LILRB3: variants seen among roughly 807,000 people sequenced by gnomAD.
LILRB3 encodes the protein leukocyte immunoglobulin like receptor B3, also known as leukocyte immunoglobulin-like receptor subfamily B member 3.
LILRB3 carries 32 observed loss-of-function variants against 68.2 expected under a neutral mutation model. That is an observed-to-expected ratio of 0.47 (90% CI 0.35 to 0.63). LILRB3 has a LOEUF of 0.63. LILRB3 is among the 30% of genes least tolerant of loss of function. The pLI, the probability that LILRB3 is intolerant of heterozygous loss-of-function variation, is 0.00. For synonymous variants in LILRB3, 185 were observed against 323.1 expected (o/e 0.57, Z 4.58); for missense variants, 502 against 791.3 (o/e 0.63, Z 4.39).
exon 13 of LILRB3, chr19:54,216,696 T>G (rs1406998103): frequency 4.9e-5 from 52 of 1,067,430 alleles, no homozygotes; most frequent in Non-Finnish European, 5.9e-5. Context: ...ACTGTTTTTT[T>G]TTTTAGAGAC....
Position 54,221,134 on chromosome 19 carries a change from G to C in LILRB3, c.904C>G (p.Leu302Val), listed in dbSNP as rs776588938. The C allele has an allele frequency of 3.3e-4, 378 of 1,151,320 alleles. 16 individuals carry two copies. The highest frequency in any genetic ancestry group is 7.9e-4 in the African/African-American group (40 of 50,648). 71.3% of individuals were successfully genotyped at this position (1,151,320 alleles called of 1,614,324 possible). The change falls in exon 5 of 13, where the codon CTC becomes GTC. Residue 302 changes from leucine to valine, a missense_variant. This residue lies in a region of LILRB3 where 77 missense variants were observed against 152.8 expected (regional missense o/e 0.50). Transcript: ENST00000445347. ...CTGGGGGCCGACCACTCGGAGGAGA[G>C]GTTGTGTGCACCATAGCACCTGTAC...
chr19:54,216,583 T>C, exon 13 of LILRB3: 1 of 1,000,648 alleles, frequency 1.0e-6, no homozygotes. Flanking sequence ...GTGCTGAGAT[T>C]ATAGGCGTGA....
exon 13 of LILRB3, chr19:54,216,596 C>G (rs1407020346): frequency 9.9e-7 from 1 of 1,005,442 alleles, no homozygotes; most frequent in African/African-American, 1.7e-5. Flanking sequence ...AGGCGTGAGC[C>G]ACCGCGCCCG....
rs779761771 is a variant in LILRB3, at chr19:54,218,696, T to C, written c.1503-14A>G. The stretch of plus-strand genomic sequence containing the variant: ...GCTGGGCTGGACCTGGAGGAGGACA[T>C]GGGAGTGTGAGGGGCAGTGTATGGG... On this transcript the variant is annotated splice_polypyrimidine_tract_variant and intron_variant, in intron 9 of 12. Coordinates refer to ENST00000445347, the Ensembl canonical transcript of LILRB3. 2.5e-6 allele frequency: 4 copies of C among 1,613,990 alleles called. No homozygotes were observed. The highest frequency in any genetic ancestry group is 2.7e-5 in the African/African-American group (2 of 74,914).
At chr19:54,222,655 C>A in intron 2 of LILRB3, 92 bp downstream of exon 2, 1 of 1,612,238 alleles carries the variant, frequency 6.2e-7, no homozygotes, top group Admixed American at 1.7e-5. Context: ...CCATCAGTCA[C>A]CCAGAACTAC....
intron 8 of LILRB3, 83 bp downstream of exon 8, chr19:54,219,046 A>G: frequency 6.5e-7 from 1 of 1,533,520 alleles, no homozygotes; most frequent in Non-Finnish European, 8.8e-7. Context: ...CTAAACTGAC[A>G]CCCCTGTGTG....
rs1020317625 is a variant in LILRB3, at chr19:54,218,264, C to T, written c.1593+97G>A. The T allele has an allele frequency of 3.6e-5, 55 of 1,513,380 alleles. 1 individual carries two copies. Among genetic ancestry groups the T allele is most frequent in the East Asian group, 1.1e-4 (5 of 44,466 alleles). The allele number at this position is 1,513,380 out of a possible 1,614,324, so 93.7% of individuals were successfully genotyped here. A position where few individuals can be genotyped will look rare whatever the true frequency, so the allele number is the denominator to read the frequency against. On this transcript the variant is annotated intron_variant, in intron 11 of 12. Transcript: ENST00000445347. ...CTGGACAAGGAGGGGTCCACCGTGACGATGCTGAGAGCCGGGGGAAGGAGG... is the reference window on the plus strand; with the variant it reads ...CTGGACAAGGAGGGGTCCACCGTGATGATGCTGAGAGCCGGGGGAAGGAGG...
In LILRB3 at chr19:54,222,620, C is replaced by G. The variant is rs2078309501; in HGVS notation, c.71-58G>C. The G allele has an allele frequency of 1.1e-5, 17 of 1,611,424 alleles. No individual in the cohort carries two copies. The South Asian group carries it at 1.8e-4, about 17-fold the overall frequency. ...ATCCCCACGCTCAGATCCCAGCTCC[C>G]AGCCCCAGGACTTCCCCATCATCCC... On this transcript the variant is annotated intron_variant, in intron 2 of 12. Transcript: ENST00000445347.
rs2077520634 is a variant in LILRB3 at position 54,216,985 on chromosome 19, G to C, written c.*108C>G. On this transcript the variant is annotated 3_prime_UTR_variant, in exon 13 of 13. Transcript: ENST00000445347. ...CAGCGTCTCCTCATGGTCTGTGTTA[G>C]GGGTCCAGGCTGACTGGGGTTCACT... is the stretch of plus-strand genomic sequence containing the variant. 1.2e-5 allele frequency: 19 copies of C among 1,585,876 alleles called. 1 individual carries two copies. In the South Asian group the frequency reaches 1.4e-4, roughly 11 times the overall value.
chr19:54,218,574 C>A, intron 10 of LILRB3, 71 bp downstream of exon 10: 1 of 1,611,794 alleles, frequency 6.2e-7, no homozygotes, highest in East Asian at 2.2e-5. Flanking sequence ...CCCAGCCCCT[C>A]CCTGTTGCTA....
At chr19:54,222,978 G>A (rs1384087955) in exon 1 of LILRB3, 2 of 1,612,402 alleles carry the variant, frequency 1.2e-6, no homozygotes, top group East Asian at 2.2e-5. Flanking sequence ...GGGCGTCATG[G>A]CGTCTCCTCC....
chr19:54,219,153 G>A lies in LILRB3; in HGVS notation c.1402C>T (p.Arg468Cys), dbSNP rs756890967. The A allele has an allele frequency of 3.7e-5, 59 of 1,605,876 alleles. No homozygotes were observed. In the African/African-American group the frequency reaches 4.2e-4, roughly 11 times the overall value. ...CCAGATGTCCTGTGTTTGCTGTGAC[G>A]CTGACGGAGGAGGAGGAGGAAGAGG... is the stretch of plus-strand genomic sequence containing the variant. The change falls in exon 8 of 13, where the codon CGT (arginine) becomes TGT (cysteine). Residue 468 changes from arginine to cysteine, a missense_variant. By Grantham distance (180) the Arg-to-Cys change is radical. Around this residue, in one of 8 missense-constraint regions of LILRB3, gnomAD observed 267 missense variants for 245.5 expected, o/e 1.09. Coordinates refer to ENST00000445347, the Ensembl canonical transcript of LILRB3.
rs140963490 is a variant in LILRB3, at chr19:54,220,744, G to C, written c.1042C>G (p.Arg348Gly). 44 of 1,523,592 alleles carry C rather than the reference G, an allele frequency of 2.9e-5. No homozygotes were observed. The South Asian group carries it at 5.1e-4, about 18-fold the overall frequency. 94.4% of individuals were successfully genotyped at this position (1,523,592 alleles called of 1,614,324 possible). A position where few individuals can be genotyped will look rare whatever the true frequency, so the allele number is the denominator to read the frequency against. Reference sequence around the variant, plus strand: ...AGAAGGAAAGTGTCAAAATACCCCCGTGACTGACACAGCAGGGTCATGTTC... The same window carrying C: ...AGAAGGAAAGTGTCAAAATACCCCCCTGACTGACACAGCAGGGTCATGTTC... Residue 348 changes from arginine to glycine, a missense_variant, in exon 6 of 13, where the codon CGG becomes GGG. Physicochemically the swap from Arg to Gly is moderately radical, Grantham distance 125. Coordinates refer to ENST00000445347, the Ensembl canonical transcript of LILRB3.
At chr19:54,217,279 G>T in intron 12 of LILRB3, 40 bp from the exon 13 acceptor site, 2 of 1,594,054 alleles carry the variant, frequency 1.3e-6, no homozygotes, top group East Asian at 4.5e-5. Flanking sequence ...ACGTGGTGGG[G>T]GTGGGGGAGG....
rs1180606522 is a variant in LILRB3 at position 54,219,177 on chromosome 19, G to A, written c.1378C>T (p.Leu460Phe). The A allele has an allele frequency of 2.5e-6, 4 of 1,608,216 alleles. No individual in the cohort carries two copies. In the African/African-American group the frequency reaches 5.4e-5, roughly 22 times the overall value. Reference sequence around the variant, plus strand: ...CGCTGACGGAGGAGGAGGAGGAAGAGGAGGAGGAAGAGCAGCAGGACGAAG... The same window carrying A: ...CGCTGACGGAGGAGGAGGAGGAAGAAGAGGAGGAAGAGCAGCAGGACGAAG... Residue 460 changes from leucine to phenylalanine, a missense_variant, in exon 8 of 13, where the codon CTC (leucine) becomes TTC (phenylalanine). Leu to Phe is a conservative substitution (Grantham distance 22). Around this residue, in one of 8 missense-constraint regions of LILRB3, gnomAD observed 267 missense variants for 245.5 expected, o/e 1.09. Transcript: ENST00000445347.
At chr19:54,218,664 G>T (rs375727150) in exon 10 of LILRB3, 2 of 1,614,072 alleles carry the variant, frequency 1.2e-6, no homozygotes, top group Non-Finnish European at 1.7e-6. Flanking sequence ...CTTCCTGGAC[G>T]TCAGCAGCTG....
chr19:54,222,715 T>G lies in LILRB3; in HGVS notation c.70+32A>C, dbSNP rs569478535. 22 of 1,612,310 alleles carry G rather than the reference T, an allele frequency of 1.4e-5. 1 individual carries two copies. In the African/African-American group the frequency reaches 2.2e-4, roughly 16 times the overall value. ...GGTGGCCCCCTGTCCCAGTGAGGAGTAGGGACCTGGGACAGCTGGGGACAG... is the reference window on the plus strand; with the variant it reads ...GGTGGCCCCCTGTCCCAGTGAGGAGGAGGGACCTGGGACAGCTGGGGACAG... On this transcript the variant is annotated intron_variant, in intron 2 of 12. Transcript: ENST00000445347.
rs572753215 is a variant in LILRB3, at chr19:54,219,198, C to T, written c.1357G>A (p.Val453Ile). The change falls in exon 8 of 13, where the codon GTC becomes ATC. Residue 453 changes from valine to isoleucine, a missense_variant. By Grantham distance (29) the Val-to-Ile change is conservative (BLOSUM62 3). This residue lies in a region of LILRB3 where 267 missense variants were observed against 245.5 expected (regional missense o/e 1.09). Coordinates refer to ENST00000445347, the Ensembl canonical transcript of LILRB3. ...AAGAGGAGGAGGAAGAGCAGCAGGA[C>T]GAAGGCCACCGAGACCCCAATCAAA... The T allele has an allele frequency of 5.5e-5, 88 of 1,606,518 alleles. No individual in the cohort carries two copies. In the South Asian group the frequency reaches 7.1e-4, roughly 13 times the overall value.
intron 11 of LILRB3, among the ~76,000 whole-genome samples, chr19:54,217,944 C>A (rs1386548341): frequency 6.6e-6 from 1 of 150,482 alleles, no homozygotes; most frequent in Non-Finnish European, 1.5e-5. Flanking sequence ...TGTCTCCCAC[C>A]GTGAGGTGAG....
Sources: allele counts gnomAD v4.1 joint callset (sites outside exome capture counted in the v4.1 genomes callset), GRCh38; gene constraint gnomAD v4.1.1; regional missense constraint gnomAD v4.1.1; transcripts MANE v1.5; gene names NCBI Gene and HGNC (gene_info 2026-07-23, HGNC 2026-07-21).